SNCAIP: variants seen among roughly 807,000 people sequenced by gnomAD.
The protein encoded by SNCAIP is synphilin-1.
Under a neutral mutation model 86.7 loss-of-function variants are expected in SNCAIP, and 43 were observed. The observed-to-expected ratio is 0.50, with a 90% confidence interval of 0.39 to 0.64. SNCAIP has a LOEUF of 0.64. Among genes scored for constraint, SNCAIP ranks in the 30% least tolerant of loss-of-function variants. The probability of loss-of-function intolerance (pLI) is 0.00; values close to 1 mark genes in which losing one functional copy is unlikely to be tolerated. For synonymous variants in SNCAIP, 417 were observed against 427.2 expected (o/e 0.98, Z 0.29); for missense variants, 981 against 1,103.1 (o/e 0.89, Z 1.57).
At chr5:122,460,582 TCCTC>T (rs1197793325) in intron 10 of SNCAIP, among the ~76,000 whole-genome samples, 1 of 151,982 alleles carries the variant, frequency 6.6e-6, no homozygotes, top group Non-Finnish European at 1.5e-5. Flanking sequence ...TGCTTCCTCT[TCCTC>T]CCACCCCCAT....
chr5:122,411,576 A>C (rs1774134876), intron 3 of SNCAIP, among the ~76,000 whole-genome samples: 1 of 152,054 alleles, frequency 6.6e-6, no homozygotes, highest in Non-Finnish European at 1.5e-5. Flanking sequence ...CAAAAAAAAA[A>C]GTCATAAAGT....
chr5:122,340,174 T>C (rs1335964147), intron 1 of SNCAIP, among the ~76,000 whole-genome samples: 1 of 152,172 alleles, frequency 6.6e-6, no homozygotes, highest in Non-Finnish European at 1.5e-5. Context: ...CTGTTGCACC[T>C]GAAGTATTTT....
chr5:122,459,644 A>C (rs1785639037), intron 10 of SNCAIP, among the ~76,000 whole-genome samples: 1 of 152,210 alleles, frequency 6.6e-6, no homozygotes, highest in South Asian at 2.1e-4. Flanking sequence ...TTTGTCCTGC[A>C]GAAAGAGTGC....
chr5:122,416,726 C>T (rs1449172837), intron 3 of SNCAIP, among the ~76,000 whole-genome samples: 1 of 152,166 alleles, frequency 6.6e-6, no homozygotes, highest in Non-Finnish European at 1.5e-5. Context: ...TAAGTGGGTG[C>T]AGTACAGACT....
At chr5:122,415,464 C>A (rs1387302278) in intron 3 of SNCAIP, among the ~76,000 whole-genome samples, 1 of 152,204 alleles carries the variant, frequency 6.6e-6, no homozygotes, top group Non-Finnish European at 1.5e-5. Flanking sequence ...ACCCTAAAGA[C>A]ATACCCCATT....
intron 1 of SNCAIP, among the ~76,000 whole-genome samples, chr5:122,332,674 G>A (rs1469741382): frequency 6.6e-6 from 1 of 152,222 alleles, no homozygotes; most frequent in Non-Finnish European, 1.5e-5. Context: ...AAGGCAGACA[G>A]TGGCACTGGA....
rs74645166 is a variant in SNCAIP at position 122,408,366 on chromosome 5, G to C, written c.130+4501G>C. ...GTTTGTGGCCCTTGGAAGCCCCTCT[G>C]TGAGACACGCAGCCTAGGGCTCACC... On this transcript the variant is annotated intron_variant, in intron 3 of 10. Transcript: ENST00000261368. 1.6e-3 allele frequency among the ~76,000 whole-genome samples: 251 copies of C among 152,264 alleles called. 1 individual carries two copies. Among genetic ancestry groups the C allele is most frequent in the African/African-American group, 5.6e-3 (234 of 41,546 alleles).
intron 10 of SNCAIP, among the ~76,000 whole-genome samples, chr5:122,453,907 G>A (rs1784214842): frequency 6.6e-6 from 1 of 151,916 alleles, no homozygotes; most frequent in Admixed American, 6.6e-5. Flanking sequence ...TCACAGGCCT[G>A]TGCCACCACA....
chr5:122,368,531 G>T (rs1229060506), intron 1 of SNCAIP, among the ~76,000 whole-genome samples: 1 of 152,126 alleles, frequency 6.6e-6, no homozygotes, highest in Non-Finnish European at 1.5e-5. Context: ...TCATGTACCA[G>T]CTGGAACTAA....
At chr5:122,352,951 A>G (rs769972744) in intron 1 of SNCAIP, among the ~76,000 whole-genome samples, 9 of 152,232 alleles carry the variant, frequency 5.9e-5, no homozygotes, top group Non-Finnish European at 8.8e-5. Flanking sequence ...ATTCATTGCC[A>G]GTGGATACAG....
chr5:122,452,008 G>C lies in SNCAIP; in HGVS notation c.2754+407G>C, dbSNP rs76526194. 3.2e-4 allele frequency among the ~76,000 whole-genome samples: 48 copies of C among 152,312 alleles called. No homozygotes were observed. The East Asian group carries it at 9.1e-3, about 29-fold the overall frequency. On this transcript the variant is annotated intron_variant, in intron 10 of 10. Coordinates refer to ENST00000261368, the MANE Select transcript of SNCAIP (RefSeq NM_005460.4). ...TTTGTTCTCTTCATGTGATGGGATA[G>C]TTTATTCTCAGGCCCAATTAAAAAG... is the stretch of plus-strand genomic sequence containing the variant.
chr5:122,315,120 A>G (rs1017667993), intron 1 of SNCAIP, among the ~76,000 whole-genome samples: 2 of 152,248 alleles, frequency 1.3e-5, no homozygotes, highest in South Asian at 2.1e-4. Flanking sequence ...TAAAATTGCC[A>G]CTATAGCTTA....
At chr5:122,457,277 A>T (rs1388275981) in intron 10 of SNCAIP, among the ~76,000 whole-genome samples, 2 of 152,196 alleles carry the variant, frequency 1.3e-5, no homozygotes, top group African/African-American at 4.8e-5. Context: ...TGTTGGGATT[A>T]CAAGTGTGAG....
At position 122,360,856 on chromosome 5, in the gene SNCAIP, A is replaced by G. The variant is rs1373834613; in HGVS notation, c.-46-30233A>G. Among the ~76,000 whole-genome samples, 9 of 152,276 alleles carry G rather than the reference A, an allele frequency of 5.9e-5. No homozygotes were observed. The East Asian group carries it at 1.4e-3, about 23-fold the overall frequency. On this transcript the variant is annotated intron_variant, in intron 1 of 10. Transcript: ENST00000261368. ...CTAGGTATACTCCATAAGAAAAAGT[A>G]TAATTATATATACCAGAGGTCCTCA...
intron 1 of SNCAIP, chr5:122,389,526 T>C (rs1768894998): frequency 6.6e-6 from 1 of 152,240 alleles, no homozygotes; most frequent in Non-Finnish European, 1.5e-5. Context: ...AGAGTACATA[T>C]ATTTTCCTCT....
intron 3 of SNCAIP, among the ~76,000 whole-genome samples, chr5:122,410,496 G>T (rs534975953): frequency 2.0e-5 from 3 of 152,304 alleles, no homozygotes; most frequent in South Asian, 4.1e-4. Context: ...GGAGGTGAGA[G>T]AAAAGTTAAA....
intron 1 of SNCAIP, among the ~76,000 whole-genome samples, chr5:122,365,670 C>T (rs1763034433): frequency 6.6e-6 from 1 of 152,142 alleles, no homozygotes; most frequent in East Asian, 1.9e-4. Context: ...CAGAGTAAGA[C>T]CCTGTCTCCA....
chr5:122,449,459 AT>A (rs1161554908), intron 8 of SNCAIP, among the ~76,000 whole-genome samples: 3 of 152,150 alleles, frequency 2.0e-5, no homozygotes, highest in African/African-American at 7.2e-5. Flanking sequence ...ATATATACAT[AT>A]TTATATATAT....
chr5:122,340,152 A>AT (rs372818799), intron 1 of SNCAIP, among the ~76,000 whole-genome samples: 7 of 151,504 alleles, frequency 4.6e-5, no homozygotes, highest in South Asian at 4.2e-4. Context: ...CTCTAGGGAG[A>AT]TTTTTTTTTC....
Sources: gnomAD v4.1 joint callset for allele counts (sites outside exome capture counted in the v4.1 genomes callset) on GRCh38, gnomAD v4.1.1 for gene constraint, MANE v1.5 for transcripts, NCBI Gene and HGNC (gene_info 2026-07-23, HGNC 2026-07-21) for gene names.